Variants in USP10 observed in about 807,000 individuals in gnomAD.
The protein encoded by USP10 is ubiquitin specific peptidase 10, also known as ubiquitin carboxyl-terminal hydrolase 10.
USP10 carries 22 observed loss-of-function variants against 84.5 expected under a neutral mutation model. That is an observed-to-expected ratio of 0.26 (90% CI 0.19 to 0.37). The LOEUF is 0.37. Among genes scored for constraint, USP10 ranks in the 10% least tolerant of loss-of-function variants. USP10 has a pLI of 1.00. For synonymous variants in USP10, 454 were observed against 387.6 expected, an observed-to-expected ratio of 1.17 and a Z score of -2.01; for missense variants, 1,019 against 998.9, an observed-to-expected ratio of 1.02 and a Z score of -0.27.
chr16:84,735,882 T>C (rs1909866789), intron 2 of USP10, among the ~76,000 whole-genome samples: 1 of 152,198 alleles, frequency 6.6e-6, no homozygotes, highest in Admixed American at 6.5e-5. Context: ...GATGGAGTTG[T>C]TTTCCCCAAT....
intron 8 of USP10, 93 bp from the exon 9 acceptor site, chr16:84,762,893 AGAG>A (rs1211628432): frequency 4.7e-6 from 3 of 644,096 alleles, no homozygotes; most frequent in Non-Finnish European, 5.4e-6. Context: ...CTTCCATTTC[AGAG>A]GAGGCATGGT....
At position 84,764,939 on chromosome 16, in the gene USP10, A is replaced by AAAAAAATATATATAT. The variant is rs370383030; in HGVS notation, c.1832+677_1832+678insAAAAATATATATATA. ...TAACCACGAGAGAGAGAGAAAAAAAAATATATATATATATATTAGACTTCA... is the reference window on the plus strand; with the variant it reads ...TAACCACGAGAGAGAGAGAAAAAAAAAAAAAATATATATATATATATATATATATATTAGACTTCA... On this transcript the variant is annotated intron_variant, in intron 10 of 13. Coordinates refer to ENST00000219473, the MANE Select transcript of USP10 (RefSeq NM_005153.3). Among the ~76,000 whole-genome samples the AAAAAAATATATATAT allele has an allele frequency of 1.7e-4, 22 of 132,266 alleles. No individual in the cohort carries two copies. The East Asian group carries it at 2.7e-3, about 16-fold the overall frequency. 86.8% of individuals were successfully genotyped at this position (132,266 alleles called of 152,430 possible). A position where few individuals can be genotyped will look rare whatever the true frequency, so the allele number is the denominator to read the frequency against.
At chr16:84,751,880 T>A (rs1171999901) in intron 4 of USP10, among the ~76,000 whole-genome samples, 1 of 152,162 alleles carries the variant, frequency 6.6e-6, no homozygotes, top group Non-Finnish European at 1.5e-5. Context: ...GAAAACAGAA[T>A]TTGATGTGTA....
chr16:84,764,044 C>G (rs754442168), intron 9 of USP10, 42 bp from the exon 10 acceptor site: 14 of 1,529,738 alleles, frequency 9.2e-6, no homozygotes, highest in African/African-American at 7.0e-5. Context: ...TTTTGCTGTT[C>G]TTGTCGTAAA....
chr16:84,744,483 G>A (rs531742648), intron 3 of USP10, 150 bp from the exon 4 acceptor site: 138 of 629,754 alleles, frequency 2.2e-4, no homozygotes, highest in African/African-American at 3.0e-4. Context: ...TTCATTTTCC[G>A]CAAATTGTTC....
At chr16:84,738,597 G>C (rs1910230173) in intron 2 of USP10, among the ~76,000 whole-genome samples, 1 of 152,142 alleles carries the variant, frequency 6.6e-6, no homozygotes, top group South Asian at 2.1e-4. Context: ...GGCTAGTGTA[G>C]CCCATCTCAG....
At chr16:84,771,025 C>G (rs62050888) in intron 11 of USP10, among the ~76,000 whole-genome samples, 54,364 of 150,296 alleles carry the variant, frequency 0.36, 10,779 homozygotes, top group East Asian at 0.64. Flanking sequence ...CCACTGCACT[C>G]CAGCCTCGAT....
intron 1 of USP10, among the ~76,000 whole-genome samples, chr16:84,706,844 CTA>C (rs142196139): frequency 0.017 from 2,658 of 151,998 alleles, 78 homozygotes; most frequent in African/African-American, 0.061. Context: ...CGGGCCAAGA[CTA>C]TATATATATT....
chr16:84,714,138 G>C (rs1906681573), intron 1 of USP10, among the ~76,000 whole-genome samples: 1 of 152,156 alleles, frequency 6.6e-6, no homozygotes. Context: ...GAGGTAGATT[G>C]TTGCAGAGAC....
At chr16:84,743,475 C>G (rs1395694036) in intron 3 of USP10, among the ~76,000 whole-genome samples, 1 of 152,040 alleles carries the variant, frequency 6.6e-6, no homozygotes, top group Non-Finnish European at 1.5e-5. Flanking sequence ...GGGGTCCTTT[C>G]AAGGTAAAAT....
At chr16:84,747,552 T>TG in intron 4 of USP10, among the ~76,000 whole-genome samples, 1 of 125,714 alleles carries the variant, frequency 8.0e-6, no homozygotes, top group South Asian at 2.6e-4. Context: ...TAAAGCCAGG[T>TG]GATTTTTTTT....
At chr16:84,776,206 C>G (rs1196154900) in intron 13 of USP10, among the ~76,000 whole-genome samples, 1 of 152,196 alleles carries the variant, frequency 6.6e-6, no homozygotes, top group African/African-American at 2.4e-5. Flanking sequence ...AGTGGCAGAG[C>G]AGGGCTTCAA....
chr16:84,758,405 CTAA>C (rs1330337931), intron 4 of USP10, among the ~76,000 whole-genome samples: 4 of 152,182 alleles, frequency 2.6e-5, no homozygotes, highest in South Asian at 4.1e-4. Flanking sequence ...AATCTATTCT[CTAA>C]TAATGATACT....
chr16:84,749,631 A>C (rs1911669749), intron 4 of USP10, among the ~76,000 whole-genome samples: 1 of 151,946 alleles, frequency 6.6e-6, no homozygotes, highest in South Asian at 2.1e-4. Flanking sequence ...TGTATTTTTT[A>C]TCTCAAGTTT....
chr16:84,707,794 G>T (rs1316108659), intron 1 of USP10, among the ~76,000 whole-genome samples: 1 of 152,020 alleles, frequency 6.6e-6, no homozygotes, highest in African/African-American at 2.4e-5. Context: ...AATATTTTGG[G>T]CCAGGTGCAG....
chr16:84,752,276 C>T (rs73245617), intron 4 of USP10, among the ~76,000 whole-genome samples: 2,758 of 152,202 alleles, frequency 0.018, 85 homozygotes, highest in African/African-American at 0.063. Flanking sequence ...GCTGTCTGAA[C>T]AGTTAAGTAG....
At chr16:84,748,160 A>C (rs1199701060) in intron 4 of USP10, among the ~76,000 whole-genome samples, 1 of 148,612 alleles carries the variant, frequency 6.7e-6, no homozygotes, top group Non-Finnish European at 1.5e-5. Context: ...TCTCAAAAAA[A>C]AAAAAAAAAA....
chr16:84,754,473 G>T (rs1338538416), intron 4 of USP10, among the ~76,000 whole-genome samples: 2 of 152,122 alleles, frequency 1.3e-5, no homozygotes, highest in African/African-American at 4.8e-5. Flanking sequence ...CCTAGTACAC[G>T]TCCCAAGGGC....
At chr16:84,709,748 C>T (rs921303282) in intron 1 of USP10, among the ~76,000 whole-genome samples, 1 of 152,074 alleles carries the variant, frequency 6.6e-6, no homozygotes, top group Non-Finnish European at 1.5e-5. Flanking sequence ...AGAACGGTGA[C>T]ATTTGAGCTG....
Sources: gnomAD v4.1 joint callset for allele counts (sites outside exome capture counted in the v4.1 genomes callset) on GRCh38, gnomAD v4.1.1 for gene constraint, MANE v1.5 for transcripts, NCBI Gene and HGNC (gene_info 2026-07-23, HGNC 2026-07-21) for gene names.